The following NEMP2 variants were observed in gnomAD, a reference collection of about 807,000 sequenced individuals.
NEMP2 encodes the protein nuclear envelope integral membrane protein 2.
NEMP2 carries 53 observed loss-of-function variants against 54.2 expected under a neutral mutation model. The ratio of observed to expected loss-of-function variants is 0.98; its 90% CI spans 0.78 to 1.23. The LOEUF (loss-of-function observed/expected upper bound fraction) is 1.23, where lower values mean the gene tolerates loss of function less well. NEMP2 is among the 50% of genes most tolerant of loss of function. The probability of loss-of-function intolerance (pLI) is 0.00; values close to 1 mark genes in which losing one functional copy is unlikely to be tolerated. For missense variants in NEMP2, 455 were observed against 511.3 expected (o/e 0.89, Z 1.06); for synonymous variants, 197 against 190.3 (o/e 1.04, Z -0.29).
At chr2:190,499,087 GCAGTGAGCCAAGGT>G in the NEMP2 span, among the ~76,000 whole-genome samples, 1 of 152,210 alleles carries the variant, frequency 6.6e-6, no homozygotes, top group Non-Finnish European at 1.5e-5. The surrounding 1 kb of genome is among the most constrained non-coding windows in gnomAD (Gnocchi z 6.0). Context: ...GGAGGAGGTT[GCAGTGAGCCAAGGT>G]CACGCCACTG....
chr2:190,501,101 AAC>A (rs1465074685), downstream of NEMP2: 1 of 152,228 alleles, frequency 6.6e-6, no homozygotes, highest in African/African-American at 2.4e-5. Context: ...GAGGGAATGA[AAC>A]ACACAAAAAT....
chr2:190,475,425 C>G, the NEMP2 span, among the ~76,000 whole-genome samples: 1 of 151,132 alleles, frequency 6.6e-6, no homozygotes. Context: ...CCAGTAACAG[C>G]CAAACACCCA....
chr2:190,523,233 C>CCTAAAATA lies in NEMP2; in HGVS notation c.213+2022_213+2029dup, dbSNP rs780499492. ...GGGGGAGTGGATTGGGATGAATTAA[C>CCTAAAATA]CTAAAATACACAACCTCCGAAAAAG... On this transcript the variant is annotated intron_variant, in intron 2 of 8. Coordinates refer to ENST00000409150, the MANE Select transcript of NEMP2 (RefSeq NM_001142645.2). The surrounding 1 kb of genome is among the most constrained non-coding windows in gnomAD (Gnocchi z 5.3). 1.6e-4 allele frequency among the ~76,000 whole-genome samples: 24 copies of CCTAAAATA among 151,896 alleles called. No homozygotes were observed. Among genetic ancestry groups the CCTAAAATA allele is most frequent in the Non-Finnish European group, 2.8e-4 (19 of 67,966 alleles).
At chr2:190,490,237 C>A in the NEMP2 span, among the ~76,000 whole-genome samples, 25,871 of 150,624 alleles carry the variant, frequency 0.17, 2,362 homozygotes, top group East Asian at 0.3. This position sits in a 1 kb window ranked among gnomAD's most constrained non-coding sequence, Gnocchi z 4.5. Context: ...GAGTGGTAAT[C>A]TTCTCTATGA....
the NEMP2 span, among the ~76,000 whole-genome samples, chr2:190,474,400 C>G: frequency 2.0e-5 from 3 of 152,188 alleles, no homozygotes; most frequent in Admixed American, 2.0e-4. Flanking sequence ...ACCGATCCCA[C>G]AGAAATACAA....
chr2:190,479,582 T>C, the NEMP2 span, among the ~76,000 whole-genome samples: 1 of 152,236 alleles, frequency 6.6e-6, no homozygotes, highest in African/African-American at 2.4e-5. Flanking sequence ...CCCAAACTTG[T>C]TATTCTCCTT....
the NEMP2 span, among the ~76,000 whole-genome samples, chr2:190,556,162 G>T: frequency 1.3e-5 from 2 of 152,158 alleles, no homozygotes; most frequent in Admixed American, 6.5e-5. Context: ...GGGATGCAAG[G>T]CTGGTTCAAC....
At chr2:190,500,390 T>C (rs879871382), downstream of NEMP2, 13 of 700,470 alleles carry the variant, frequency 1.9e-5, no homozygotes, top group African/African-American at 5.4e-5. The surrounding 1 kb of genome is among the most constrained non-coding windows in gnomAD (Gnocchi z 5.3). Context: ...ACAGTACATA[T>C]TGGCAGGAAA....
At chr2:190,483,404 C>G in the NEMP2 span, among the ~76,000 whole-genome samples, 5 of 152,142 alleles carry the variant, frequency 3.3e-5, no homozygotes, top group South Asian at 2.1e-4. Context: ...CTGGACAAGG[C>G]ATCTAATATC....
intron 7 of NEMP2, among the ~76,000 whole-genome samples, chr2:190,511,345 G>A (rs1389377148): frequency 1.3e-5 from 2 of 151,900 alleles, no homozygotes; most frequent in East Asian, 3.9e-4. Flanking sequence ...GAGAGAAAGA[G>A]CAAATATTGT....
chr2:190,647,302 C>T, the NEMP2 span, among the ~76,000 whole-genome samples: 1 of 152,112 alleles, frequency 6.6e-6, no homozygotes, highest in African/African-American at 2.4e-5. Context: ...ATTTCTATAA[C>T]ATGATTTCGC....
the NEMP2 span, among the ~76,000 whole-genome samples, chr2:190,640,628 G>A: frequency 1.3e-5 from 2 of 151,964 alleles, no homozygotes; most frequent in Non-Finnish European, 2.9e-5. Flanking sequence ...ATATGCAAAC[G>A]GAACTATGTT....
intron 1 of NEMP2, among the ~76,000 whole-genome samples, chr2:190,526,454 T>C (rs748045738): frequency 6.6e-6 from 1 of 152,236 alleles, no homozygotes; most frequent in Non-Finnish European, 1.5e-5. Context: ...AACACATTTG[T>C]ATTTTAGAAA....
At chr2:190,605,742 A>G in the NEMP2 span, among the ~76,000 whole-genome samples, 1 of 152,140 alleles carries the variant, frequency 6.6e-6, no homozygotes, top group Non-Finnish European at 1.5e-5. Context: ...CCACATGGCC[A>G]TCTTCTATGT....
the NEMP2 span, among the ~76,000 whole-genome samples, chr2:190,555,981 G>A: frequency 6.6e-6 from 1 of 152,156 alleles, no homozygotes; most frequent in African/African-American, 2.4e-5. The surrounding 1 kb of genome is among the most constrained non-coding windows in gnomAD (Gnocchi z 4.8). Flanking sequence ...ATTTTAGGAG[G>A]CCAGCATCGC....
chr2:190,560,255 G>T, the NEMP2 span, among the ~76,000 whole-genome samples: 10 of 152,206 alleles, frequency 6.6e-5, no homozygotes, highest in Admixed American at 5.9e-4. This position sits in a 1 kb window ranked among gnomAD's most constrained non-coding sequence, Gnocchi z 5.4. Context: ...GCTTCAGAGG[G>T]TTGAAAGCAG....
upstream of NEMP2, among the ~76,000 whole-genome samples, chr2:190,536,161 T>G (rs1387303603): frequency 3.3e-5 from 5 of 152,206 alleles, no homozygotes; most frequent in Non-Finnish European, 1.5e-5. Flanking sequence ...CAATAAATAT[T>G]TTTCCGGAGA....
At chr2:190,473,703 A>G in the NEMP2 span, among the ~76,000 whole-genome samples, 1 of 152,222 alleles carries the variant, frequency 6.6e-6, no homozygotes, top group African/African-American at 2.4e-5. Flanking sequence ...AATTGAACTC[A>G]GCTTTCCTGA....
chr2:190,636,816 G>A, the NEMP2 span, among the ~76,000 whole-genome samples: 3 of 152,202 alleles, frequency 2.0e-5, no homozygotes, highest in East Asian at 3.8e-4. Context: ...AAACACAAAA[G>A]GAATGGGACA....
Sources: allele counts gnomAD v4.1 joint callset (sites outside exome capture counted in the v4.1 genomes callset), GRCh38; gene constraint gnomAD v4.1.1; non-coding constraint Gnocchi (gnomAD v3.1); transcripts MANE v1.5; gene names NCBI Gene and HGNC (gene_info 2026-07-23, HGNC 2026-07-21).